Variants in VWC2L observed in about 807,000 individuals in gnomAD.
The protein encoded by VWC2L is von Willebrand factor C domain-containing protein 2-like.
A neutral mutation model predicts 21.6 loss-of-function variants in VWC2L; 10 were observed. That is an observed-to-expected ratio of 0.46 (90% CI 0.29 to 0.78). VWC2L has a LOEUF of 0.78. Among genes scored for constraint, VWC2L ranks in the 30% least tolerant of loss-of-function variants. The pLI is 0.10. For missense variants in VWC2L, 209 were observed against 277.1 expected (o/e 0.75, Z 1.74); for synonymous variants, 96 against 94.3 (o/e 1.02, Z -0.10).
chr2:214,523,951 GT>G (rs1303506199), intron 3 of VWC2L, among the ~76,000 whole-genome samples: 1 of 152,076 alleles, frequency 6.6e-6, no homozygotes, highest in Admixed American at 6.5e-5. Context: ...TCTGGGGTTT[GT>G]TTTAACTATG....
intron 3 of VWC2L, among the ~76,000 whole-genome samples, chr2:214,569,519 C>T (rs1254390159): frequency 6.6e-6 from 1 of 152,144 alleles, no homozygotes; most frequent in East Asian, 1.9e-4. Flanking sequence ...TGGCCAGTTT[C>T]AAGCTATCAA....
intron 3 of VWC2L, among the ~76,000 whole-genome samples, chr2:214,507,265 G>T (rs1688980513): frequency 6.6e-6 from 1 of 152,070 alleles, no homozygotes; most frequent in Non-Finnish European, 1.5e-5. Flanking sequence ...GAAGACAAAT[G>T]ATATTATCTA....
chr2:214,575,908 A>T lies in VWC2L; in HGVS notation c.*88A>T. 2 of 1,431,154 alleles carry T rather than the reference A, an allele frequency of 1.4e-6. No individual in the cohort carries two copies. Among genetic ancestry groups the T allele is most frequent in the South Asian group, 3.1e-5 (2 of 65,120 alleles). 88.7% of individuals were successfully genotyped at this position (1,431,154 alleles called of 1,614,324 possible). On this transcript the variant is annotated 3_prime_UTR_variant, in exon 4 of 4. Transcript: ENST00000312504. ...GTTTAACACAAAACAAAACAAACAA[A>T]CTCCTGCCAGCTACAACAGGGTCAC...
intron 3 of VWC2L, among the ~76,000 whole-genome samples, chr2:214,482,554 T>C (rs187680134): frequency 0.012 from 1,801 of 146,132 alleles, 33 homozygotes; most frequent in African/African-American, 0.035. Flanking sequence ...CACACACACA[T>C]ATATATATAT....
At chr2:214,529,553 A>G (rs564064716) in intron 3 of VWC2L, among the ~76,000 whole-genome samples, 1 of 152,216 alleles carries the variant, frequency 6.6e-6, no homozygotes, top group South Asian at 2.1e-4. Flanking sequence ...TTTGATTTAC[A>G]TCTTTAGGCA....
At chr2:214,531,946 C>T (rs1457427009) in intron 3 of VWC2L, among the ~76,000 whole-genome samples, 1 of 152,086 alleles carries the variant, frequency 6.6e-6, no homozygotes, top group Non-Finnish European at 1.5e-5. Context: ...TTTCAATCTT[C>T]ATAAGGAATC....
chr2:214,471,939 G>A (rs1307751389), intron 3 of VWC2L, among the ~76,000 whole-genome samples: 1 of 152,134 alleles, frequency 6.6e-6, no homozygotes, highest in Non-Finnish European at 1.5e-5. Flanking sequence ...CTGCCTTTAG[G>A]CCTACGTAAA....
chr2:214,541,193 C>T (rs73989064), intron 3 of VWC2L, among the ~76,000 whole-genome samples: 7,264 of 152,128 alleles, frequency 0.048, 561 homozygotes, highest in African/African-American at 0.17. Flanking sequence ...TTCAGCTATC[C>T]CCAGTCAGGA....
At chr2:214,424,766 G>A (rs552229042) in intron 2 of VWC2L, among the ~76,000 whole-genome samples, 1 of 152,114 alleles carries the variant, frequency 6.6e-6, no homozygotes, top group Non-Finnish European at 1.5e-5. Context: ...TAATTCCTTT[G>A]ACTTTTATGA....
At chr2:214,503,554 A>G (rs1448291964) in intron 3 of VWC2L, among the ~76,000 whole-genome samples, 2 of 152,146 alleles carry the variant, frequency 1.3e-5, no homozygotes, top group African/African-American at 4.8e-5. Context: ...CAAAACTTAG[A>G]AAGCATTAAA....
chr2:214,466,267 T>C (rs1274191517), intron 3 of VWC2L, among the ~76,000 whole-genome samples: 2 of 152,156 alleles, frequency 1.3e-5, no homozygotes, highest in African/African-American at 2.4e-5. Context: ...AAATTCTGGG[T>C]TGACATTTTT....
At chr2:214,476,223 A>G (rs545873586) in intron 3 of VWC2L, among the ~76,000 whole-genome samples, 121 of 152,302 alleles carry the variant, frequency 7.9e-4, no homozygotes, top group Non-Finnish European at 1.2e-3. Context: ...CCAATATGCA[A>G]AAGGAGCACA....
chr2:214,563,886 G>A (rs2105930928), intron 3 of VWC2L, among the ~76,000 whole-genome samples: 1 of 152,260 alleles, frequency 6.6e-6, no homozygotes, highest in East Asian at 1.9e-4. Flanking sequence ...AATAGCAAGA[G>A]AGGAAGTCAA....
chr2:214,451,713 G>T (rs1702957114), intron 3 of VWC2L, among the ~76,000 whole-genome samples: 1 of 152,080 alleles, frequency 6.6e-6, no homozygotes, highest in Admixed American at 6.6e-5. Context: ...ATGAATAATG[G>T]TTGCTAATTC....
Position 214,446,355 on chromosome 2 carries a change from T to C in VWC2L, c.520+9597T>C, listed in dbSNP as rs1305741234. 2.6e-5 allele frequency among the ~76,000 whole-genome samples: 4 copies of C among 152,204 alleles called. 1 individual carries two copies. The highest frequency in any genetic ancestry group is 5.9e-5 in the Non-Finnish European group (4 of 68,028). Reference sequence around the variant, plus strand: ...AAACAGAATAGTTATAAATAGCTATTTTAATGAGCCACAAACAATAATTTC... The same window carrying C: ...AAACAGAATAGTTATAAATAGCTATCTTAATGAGCCACAAACAATAATTTC... On this transcript the variant is annotated intron_variant, in intron 3 of 3. Transcript: ENST00000312504.
At chr2:214,433,417 A>T (rs1702633197) in intron 2 of VWC2L, among the ~76,000 whole-genome samples, 5 of 151,986 alleles carry the variant, frequency 3.3e-5, no homozygotes. Context: ...TCATAATTTC[A>T]CATGTTCTTC....
intron 3 of VWC2L, among the ~76,000 whole-genome samples, chr2:214,507,974 A>ATATT (rs890890075): frequency 1.1e-4 from 17 of 152,014 alleles, no homozygotes; most frequent in Middle Eastern, 3.4e-3. Context: ...TTGTGCACTT[A>ATATT]TATTTATTTA....
chr2:214,558,351 A>G (rs1441638085), intron 3 of VWC2L, among the ~76,000 whole-genome samples: 1 of 152,004 alleles, frequency 6.6e-6, no homozygotes, highest in Non-Finnish European at 1.5e-5. Context: ...CCACCTCTCT[A>G]TGCCCAACTC....
intron 3 of VWC2L, among the ~76,000 whole-genome samples, chr2:214,571,320 T>C (rs1690146140): frequency 1.3e-5 from 2 of 152,222 alleles, no homozygotes; most frequent in African/African-American, 4.8e-5. Context: ...GTGTGATTTC[T>C]GGCAAGTTAC....
Sources: allele counts gnomAD v4.1 joint callset (sites outside exome capture counted in the v4.1 genomes callset), GRCh38; gene constraint gnomAD v4.1.1; transcripts MANE v1.5; gene names NCBI Gene and HGNC (gene_info 2026-07-23, HGNC 2026-07-21).